EXD3: variants seen among roughly 807,000 people sequenced by gnomAD.
EXD3 encodes the protein exonuclease mut-7 homolog.
EXD3 carries 92 observed loss-of-function variants against 98.0 expected under a neutral mutation model. The ratio of observed to expected loss-of-function variants is 0.94; its 90% confidence interval spans 0.79 to 1.12. EXD3 has a LOEUF of 1.12. Ranked by LOEUF, EXD3 falls within the 50% of genes most tolerant of loss-of-function variation. The pLI is 0.00. For missense variants in EXD3, 1,222 were observed against 1,191.6 expected (o/e 1.03, Z -0.38); for synonymous variants, 569 against 526.0 (o/e 1.08, Z -1.12).
intron 17 of EXD3, among the ~76,000 whole-genome samples, chr9:137,330,130 C>G (rs117232681): frequency 0.067 from 7,214 of 107,972 alleles, 873 homozygotes; most frequent in African/African-American, 0.16. Flanking sequence ...TACACAGGAG[C>G]TACACAGGAA....
In EXD3 at chr9:137,307,042, G is replaced by A. The variant is rs200899844; in HGVS notation, c.2539C>T (p.Arg847Cys). The change falls in exon 22 of 22, where the codon CGT becomes TGT. Residue 847 changes from arginine (R) to cysteine (C), a missense_variant. Coordinates refer to ENST00000340951, the MANE Select transcript of EXD3 (RefSeq NM_017820.5). The stretch of plus-strand genomic sequence containing the variant: ...ATGTCTCGGAAGTGGGTGGCAACAC[G>A]ACCCAGGTGGGAGCCGTCCCAGAAG... Reference protein sequence around the residue: ...KVFWDGSHLGRVATHFRDMLE... With the variant: ...KVFWDGSHLGCVATHFRDMLE... 3,031 of 1,612,248 alleles carry A rather than the reference G, an allele frequency of 1.9e-3. 8 individuals are homozygous for A. The highest frequency in any genetic ancestry group is 2.3e-3 in the Non-Finnish European group (2,741 of 1,179,638).
chr9:137,307,566 A>G, intron 21 of EXD3, 42 bp downstream of exon 21: 1 of 1,604,500 alleles, frequency 6.2e-7, no homozygotes, highest in Non-Finnish European at 8.5e-7. Flanking sequence ...CCAGGGCCGC[A>G]GAGAAGCAGC....
chr9:137,324,160 A>T lies in EXD3; in HGVS notation c.1999-17T>A. On this transcript the variant is annotated splice_polypyrimidine_tract_variant and intron_variant, in intron 17 of 21. Coordinates refer to ENST00000340951, the MANE Select transcript of EXD3 (RefSeq NM_017820.5). The surrounding 1 kb of genome is among the most constrained non-coding windows in gnomAD (Gnocchi z 4.1). ...CCTGGCAACCTGTGTGGGAGGTGCGACCAGCACATAAAGGGGGCAGCTCCG... is the reference window on the plus strand; with the variant it reads ...CCTGGCAACCTGTGTGGGAGGTGCGTCCAGCACATAAAGGGGGCAGCTCCG... 6.4e-7 allele frequency: 1 copy of T among 1,566,352 alleles called. No homozygotes were observed. The highest frequency in any genetic ancestry group is 8.7e-7 in the Non-Finnish European group (1 of 1,156,036).
At chr9:137,307,703 C>T in intron 20 of EXD3, 57 bp from the exon 21 acceptor site, 1 of 1,588,006 alleles carries the variant, frequency 6.3e-7, no homozygotes, top group Non-Finnish European at 8.6e-7. Flanking sequence ...GGCTTGGCAG[C>T]CAGCGGGGTC....
chr9:137,331,198 C>G (rs1833048017), intron 17 of EXD3, among the ~76,000 whole-genome samples: 1 of 152,160 alleles, frequency 6.6e-6, no homozygotes, highest in African/African-American at 2.4e-5. Context: ...TTGACAAAAT[C>G]TAGCATTGTT....
At position 137,405,945 on chromosome 9, in the gene EXD3, C is replaced by A. The variant is rs1274566387; in HGVS notation, c.-47-10541G>T. Among the ~76,000 whole-genome samples, 1 of 152,188 alleles carries A rather than the reference C, an allele frequency of 6.6e-6. No homozygotes were observed. The highest frequency in any genetic ancestry group is 2.1e-4 in the South Asian group (1 of 4,822). On this transcript the variant is annotated intron_variant, in intron 1 of 21. Coordinates refer to ENST00000340951, the MANE Select transcript of EXD3 (RefSeq NM_017820.5). This position sits in a 1 kb window ranked among gnomAD's most constrained non-coding sequence, Gnocchi z 4.1. The stretch of plus-strand genomic sequence containing the variant: ...TGAATAAAACGTGAAACTGGCTGGG[C>A]ACGGTGGCTCACGCCTGTAATCCCA...
intron 5 of EXD3, 112 bp downstream of exon 5, chr9:137,372,793 G>T: frequency 2.6e-6 from 3 of 1,151,198 alleles, no homozygotes; most frequent in African/African-American, 1.5e-5. Flanking sequence ...CCTCCATGTA[G>T]ACCAGAAGCC....
In EXD3 at chr9:137,377,781, T is replaced by C. The variant is rs577675422; in HGVS notation, c.121-4182A>G. 2.8e-4 allele frequency among the ~76,000 whole-genome samples: 42 copies of C among 148,414 alleles called. No individual in the cohort carries two copies. The South Asian group carries it at 8.5e-3, about 30-fold the overall frequency. On this transcript the variant is annotated intron_variant, in intron 3 of 21. Coordinates refer to ENST00000340951, the MANE Select transcript of EXD3 (RefSeq NM_017820.5). ...AGAGAACTTTGAAAACAAAAAATAG[T>C]CGTTGAATTTTTTTTTTTTTTTTTT...
At chr9:137,350,738 T>C (rs1834254711) in intron 14 of EXD3, among the ~76,000 whole-genome samples, 2 of 151,560 alleles carry the variant, frequency 1.3e-5, no homozygotes, top group Admixed American at 6.6e-5. Context: ...CCCCAGGGGC[T>C]CCCTCCCGCA....
intron 8 of EXD3, among the ~76,000 whole-genome samples, chr9:137,355,563 G>GGACGAA (rs1564508527): frequency 4.9e-4 from 2 of 4,050 alleles, no homozygotes; most frequent in Non-Finnish European, 1.1e-3. Context: ...GAAGGAGGAA[G>GGACGAA]GGAGGATGGA....
Position 137,407,081 on chromosome 9 carries a change from C to T in EXD3, c.-47-11677G>A, listed in dbSNP as rs896387905. Among the ~76,000 whole-genome samples the T allele has an allele frequency of 1.3e-5, 2 of 152,154 alleles. No homozygotes were observed. The highest frequency in any genetic ancestry group is 2.9e-5 in the Non-Finnish European group (2 of 68,012). On this transcript the variant is annotated intron_variant, in intron 1 of 21. Transcript: ENST00000340951. The surrounding 1 kb of genome is among the most constrained non-coding windows in gnomAD (Gnocchi z 4.4). Reference sequence around the variant, plus strand: ...CCGCCCGTTCACAGAGGCACCGGAGCGGGCGGGCGGGGGCGGCCTGCGGAG... The same window carrying T: ...CCGCCCGTTCACAGAGGCACCGGAGTGGGCGGGCGGGGGCGGCCTGCGGAG...
At chr9:137,342,708 G>A (rs1037649008) in intron 17 of EXD3, among the ~76,000 whole-genome samples, 7 of 152,164 alleles carry the variant, frequency 4.6e-5, no homozygotes, top group African/African-American at 9.7e-5. Context: ...TTTCCCAGCC[G>A]AGTTCCCAGC....
At chr9:137,406,290 GGAAAAAAAAAA>G (rs1162999848) in intron 1 of EXD3, among the ~76,000 whole-genome samples, 3 of 149,142 alleles carry the variant, frequency 2.0e-5, no homozygotes, top group Admixed American at 1.3e-4. Flanking sequence ...CAAGGAAAAA[GGAAAAAAAAAA>G]GAAAAAGAAA....
At chr9:137,356,459 G>T (rs943776176) in intron 7 of EXD3, 91 bp from the exon 8 acceptor site, 1 of 855,448 alleles carries the variant, frequency 1.2e-6, no homozygotes, top group Non-Finnish European at 1.9e-6. Flanking sequence ...TGCATGCATA[G>T]TTTAAACCTC....
chr9:137,334,055 G>GC (rs1833233825), intron 17 of EXD3, among the ~76,000 whole-genome samples: 1 of 151,780 alleles, frequency 6.6e-6, no homozygotes, highest in African/African-American at 2.4e-5. Context: ...AGGCTGGAGT[G>GC]CAGTGGCGTG....
chr9:137,332,688 CA>C (rs545690446), intron 17 of EXD3, among the ~76,000 whole-genome samples: 4 of 149,274 alleles, frequency 2.7e-5, no homozygotes, highest in East Asian at 2.0e-4. Flanking sequence ...CTAAAAAGCA[CA>C]AAAAAACTAG....
At position 137,405,756 on chromosome 9, in the gene EXD3, T is replaced by G. The variant is rs1320021766; in HGVS notation, c.-47-10352A>C. 2.0e-5 allele frequency among the ~76,000 whole-genome samples: 3 copies of G among 152,250 alleles called. No individual in the cohort carries two copies. The highest frequency in any genetic ancestry group is 7.2e-5 in the African/African-American group (3 of 41,466). On this transcript the variant is annotated intron_variant, in intron 1 of 21. Coordinates refer to ENST00000340951, the MANE Select transcript of EXD3 (RefSeq NM_017820.5). This position sits in a 1 kb window ranked among gnomAD's most constrained non-coding sequence, Gnocchi z 4.1. ...ATGTTAGAGTTAGCCTGACTCAGCA[T>G]GAGCCTGGCTTCTCCTGCCGGCCGG...
intron 1 of EXD3, among the ~76,000 whole-genome samples, chr9:137,420,746 C>A (rs60500880): frequency 0.02 from 2,887 of 147,884 alleles, 184 homozygotes; most frequent in African/African-American, 0.067. Flanking sequence ...CACCCCCCCC[C>A]CCAAATTCAT....
chr9:137,317,305 C>T (rs1327175014), intron 19 of EXD3, among the ~76,000 whole-genome samples: 1 of 152,170 alleles, frequency 6.6e-6, no homozygotes, highest in African/African-American at 2.4e-5. Flanking sequence ...GACTCCCTCC[C>T]TTGAACCTGG....
Sources: gnomAD v4.1 joint callset for allele counts (sites outside exome capture counted in the v4.1 genomes callset) on GRCh38, gnomAD v4.1.1 for gene constraint, Gnocchi (gnomAD v3.1) non-coding constraint, MANE v1.5 for transcripts, NCBI Gene and HGNC (gene_info 2026-07-23, HGNC 2026-07-21) for gene names.